ODAD4: variants seen among roughly 807,000 people sequenced by gnomAD.
The protein encoded by ODAD4 is outer dynein arm-docking complex subunit 4.
A neutral mutation model predicts 51.8 loss-of-function variants in ODAD4; 49 were observed. The observed-to-expected ratio is 0.95, with a 90% CI of 0.75 to 1.20. The LOEUF is 1.20. Among genes scored for constraint, ODAD4 ranks in the 50% most tolerant of loss-of-function variants. The pLI is 0.00. For synonymous variants in ODAD4, 235 were observed against 221.3 expected, an observed-to-expected ratio of 1.06 and a Z score of -0.55; for missense variants, 590 against 586.5, an observed-to-expected ratio of 1.01 and a Z score of -0.06.
At chr17:41,947,830 A>T (rs1027906678) in intron 8 of ODAD4, among the ~76,000 whole-genome samples, 4,023 of 140,416 alleles carry the variant, frequency 0.029, 73 homozygotes, top group Non-Finnish European at 0.043. Context: ...ATAAAATAAA[A>T]ATAAAATGGC....
At chr17:41,952,599 A>T (rs534863258) in intron 9 of ODAD4, 1 of 451,166 alleles carries the variant, frequency 2.2e-6, no homozygotes, top group East Asian at 6.1e-5. Flanking sequence ...ATCCTGAATG[A>T]TTTACTCTCT....
At chr17:41,960,458 AC>A (rs1253456427) in intron 10 of ODAD4, among the ~76,000 whole-genome samples, 6 of 140,238 alleles carry the variant, frequency 4.3e-5, no homozygotes, top group African/African-American at 1.4e-4. Context: ...AAAAAAAAAA[AC>A]AAACAAACAA....
chr17:41,952,103 C>T (rs1598085334), intron 9 of ODAD4, among the ~76,000 whole-genome samples: 1 of 150,868 alleles, frequency 6.6e-6, no homozygotes, highest in South Asian at 2.1e-4. Flanking sequence ...GCACAGTGGC[C>T]CATGCCTGTA....
chr17:41,965,633 T>G lies in ODAD4; in HGVS notation c.*150T>G. On this transcript the variant is annotated 3_prime_UTR_variant, in exon 12 of 12. Coordinates refer to ENST00000377540, the MANE Select transcript of ODAD4 (RefSeq NM_031421.5). ...CATCACTATTTTGCCATTAAATAGG[T>G]GTCTTTCACTCTTGCAAACCCTGAG... 2 of 597,658 alleles carry G rather than the reference T, an allele frequency of 3.3e-6. No homozygotes were observed. 37.0% of individuals were successfully genotyped at this position (597,658 alleles called of 1,614,324 possible).
chr17:41,937,551 A>G (rs533830285), intron 5 of ODAD4, among the ~76,000 whole-genome samples: 1 of 152,128 alleles, frequency 6.6e-6, no homozygotes, highest in African/African-American at 2.4e-5. Context: ...GCTCACTGCC[A>G]CCTCCACCTC....
rs2050407763 is a variant in ODAD4, at chr17:41,935,246, C to T, written c.144C>T (p.Asn48=). 6.2e-7 allele frequency: 1 copy of T among 1,613,858 alleles called. No individual in the cohort carries two copies. The highest frequency in any genetic ancestry group is 1.3e-5 in the African/African-American group (1 of 74,918). Residue 48 remains asparagine (N), a synonymous_variant, in exon 2 of 12, where the codon AAC becomes AAT. Transcript: ENST00000377540. ...NALYLQDGDK[N]CLVARSKCFL... is the part of the protein sequence containing the mutation. ...TTTACCTTCAGGATGGAGACAAGAA[C>T]TGCCTGGTTGCTCGCTCAAAGTGCT...
chr17:41,935,572 C>T (rs2050413721), intron 2 of ODAD4, 27 bp from the exon 3 acceptor site: 1 of 1,601,592 alleles, frequency 6.2e-7, no homozygotes, highest in Non-Finnish European at 8.5e-7. Flanking sequence ...TATCTGTTCA[C>T]ATTGATTTGA....
chr17:41,954,024 C>T (rs1267347058), intron 9 of ODAD4, among the ~76,000 whole-genome samples: 1 of 151,774 alleles, frequency 6.6e-6, no homozygotes, highest in Non-Finnish European at 1.5e-5. Context: ...CTTGCTCTGT[C>T]ACACAGGCTG....
chr17:41,953,668 T>TATAGAGAG (rs71155199), intron 9 of ODAD4, among the ~76,000 whole-genome samples: 1 of 145,018 alleles, frequency 6.9e-6, no homozygotes, highest in South Asian at 2.2e-4. Flanking sequence ...TATATATATA[T>TATAGAGAG]AGAGAGAGAG....
intron 1 of ODAD4, 98 bp from the exon 2 acceptor site, chr17:41,935,119 A>G (rs2013389484): frequency 1.4e-6 from 2 of 1,425,746 alleles, no homozygotes; most frequent in South Asian, 1.3e-5. Context: ...CAGAGCCTGA[A>G]GAAATCCCCT....
Position 41,945,865 on chromosome 17 carries a change from C to T in ODAD4, c.1145+643C>T, listed in dbSNP as rs2050578409. The stretch of plus-strand genomic sequence containing the variant: ...GCAGTGAGCTGAGATCATGCCGCTG[C>T]ACTCCAGCCTGGGCGACAGAGCAAG... On this transcript the variant is annotated intron_variant, in intron 8 of 11. Transcript: ENST00000377540. Among the ~76,000 whole-genome samples the T allele has an allele frequency of 2.0e-5, 3 of 152,080 alleles. No individual in the cohort carries two copies. In the South Asian group the frequency reaches 6.2e-4, roughly 31 times the overall value.
Position 41,938,907 on chromosome 17 carries a change from AC to A in ODAD4, c.851-55del, listed in dbSNP as rs1374437572. The stretch of plus-strand genomic sequence containing the variant: ...GATGGTGTCTGCAGGAAGAGGAGTT[AC>A]CCTGTCAGCTAAGAGGAGGCTGCCC... On this transcript the variant is annotated intron_variant, in intron 6 of 11. Coordinates refer to ENST00000377540, the MANE Select transcript of ODAD4 (RefSeq NM_031421.5). The A allele has an allele frequency of 2.3e-5, 37 of 1,584,098 alleles. No homozygotes were observed. The Admixed American group carries it at 6.0e-4, about 26-fold the overall frequency.
At chr17:41,933,350 C>CAA (rs34740606) in intron 1 of ODAD4, among the ~76,000 whole-genome samples, 19 of 74,742 alleles carry the variant, frequency 2.5e-4, no homozygotes, top group East Asian at 4.0e-4. Context: ...AACTCTGTCT[C>CAA]AAAAAAAAAA....
chr17:41,933,360 A>G (rs545921345), intron 1 of ODAD4, among the ~76,000 whole-genome samples: 72 of 151,822 alleles, frequency 4.7e-4, no homozygotes, highest in African/African-American at 1.7e-3. Flanking sequence ...CAAAAAAAAA[A>G]AAAAAAAAGA....
At chr17:41,955,646 G>C (rs566931434) in intron 10 of ODAD4, among the ~76,000 whole-genome samples, 4 of 152,110 alleles carry the variant, frequency 2.6e-5, no homozygotes, top group Admixed American at 6.6e-5. Context: ...GGATGGTCTC[G>C]ATCTCCTGAC....
Position 41,957,780 on chromosome 17 carries a change from CTTTCTTTTTTCT to C in ODAD4, c.1443+2474_1443+2485del, listed in dbSNP as rs1442373891. 2.0e-5 allele frequency among the ~76,000 whole-genome samples: 3 copies of C among 152,166 alleles called. No individual in the cohort carries two copies. In the East Asian group the frequency reaches 5.8e-4, roughly 30 times the overall value. Reference sequence around the variant, plus strand: ...CCAGCTTCCTGTCTTCCTAAACAGGCTTTCTTTTTTCTTTTCTTTTTTTGAGACAAGGTCTTG... The same window carrying C: ...CCAGCTTCCTGTCTTCCTAAACAGGCTTTCTTTTTTTGAGACAAGGTCTTG... On this transcript the variant is annotated intron_variant, in intron 10 of 11. Transcript: ENST00000377540.
chr17:41,931,001 C>T (rs1288773168), intron 1 of ODAD4, among the ~76,000 whole-genome samples, 164 bp downstream of exon 1: 1 of 140,682 alleles, frequency 7.1e-6, no homozygotes, highest in Admixed American at 8.2e-5. Flanking sequence ...TCAAGTGATT[C>T]TCCTGCCTCC....
chr17:41,951,529 T>G (rs1359911054), intron 9 of ODAD4, among the ~76,000 whole-genome samples: 1 of 149,422 alleles, frequency 6.7e-6, no homozygotes, highest in African/African-American at 2.5e-5. Flanking sequence ...AACCTCCGCC[T>G]CCCGGGGTCA....
chr17:41,945,298 G>A, intron 8 of ODAD4, 76 bp downstream of exon 8: 1 of 1,125,076 alleles, frequency 8.9e-7, no homozygotes, highest in South Asian at 1.4e-5. Context: ...TTTGTTTCCG[G>A]TAATAAGAAT....
Sources: allele counts gnomAD v4.1 joint callset (sites outside exome capture counted in the v4.1 genomes callset), GRCh38; gene constraint gnomAD v4.1.1; transcripts MANE v1.5; gene names NCBI Gene and HGNC (gene_info 2026-07-23, HGNC 2026-07-21).